The following LRPAP1 variants were observed in gnomAD, a reference collection of about 807,000 sequenced individuals.
LRPAP1 encodes alpha-2-macroglobulin receptor-associated protein.
In LRPAP1, 41 loss-of-function variants were observed where a neutral mutation model predicts 39.9. The observed-to-expected ratio is 1.03, with a 90% CI of 0.80 to 1.33. The LOEUF is 1.33. Among genes scored for constraint, LRPAP1 ranks in the 40% most tolerant of loss-of-function variants. The pLI, the probability that LRPAP1 is intolerant of heterozygous loss-of-function variation, is 0.00. For synonymous variants in LRPAP1, 263 were observed against 212.7 expected (o/e 1.24, Z -2.06); for missense variants, 565 against 482.3 (o/e 1.17, Z -1.61).
intron 2 of LRPAP1, among the ~76,000 whole-genome samples, chr4:3,522,785 G>C (rs1729959707): frequency 6.6e-6 from 1 of 152,140 alleles, no homozygotes; most frequent in African/African-American, 2.4e-5. Context: ...GCGCGGTGGG[G>C]GTGAGGACAG....
chr4:3,511,049 T>TA lies in LRPAP1; in HGVS notation c.*1924dup, dbSNP rs773670194. 6.6e-6 allele frequency: 1 copy of TA among 152,240 alleles called. No individual in the cohort carries two copies. The highest frequency in any genetic ancestry group is 2.4e-5 in the African/African-American group (1 of 41,414). 9.4% of individuals were successfully genotyped at this position (152,240 alleles called of 1,614,324 possible). ...ACAGTAAGACACGCTACTCCGCAAT[T>TA]AGACACCACAAAACGCCAGCCAGGC... On this transcript the variant is annotated 3_prime_UTR_variant, in exon 8 of 8. Coordinates refer to ENST00000650182, the MANE Select transcript of LRPAP1 (RefSeq NM_002337.4).
Position 3,513,737 on chromosome 4 carries a change from G to A in LRPAP1, c.1012-701C>T, listed in dbSNP as rs146174818. On this transcript the variant is annotated intron_variant, in intron 7 of 7. Coordinates refer to ENST00000650182, the MANE Select transcript of LRPAP1 (RefSeq NM_002337.4). ...GCTCCTCACATCACAACAGCCCAGAGCATCCCCACAGATACCACCCCAGTG... is the reference window on the plus strand; with the variant it reads ...GCTCCTCACATCACAACAGCCCAGAACATCCCCACAGATACCACCCCAGTG... Among the ~76,000 whole-genome samples the A allele has an allele frequency of 4.3e-3, 656 of 152,346 alleles. 8 individuals are homozygous for A. The highest frequency in any genetic ancestry group is 0.015 in the African/African-American group (634 of 41,582).
Position 3,508,707 on chromosome 4 carries a change from T to A in LRPAP1, c.*4267A>T, listed in dbSNP as rs1729424960. On this transcript the variant is annotated 3_prime_UTR_variant, in exon 8 of 8. Transcript: ENST00000650182. The stretch of plus-strand genomic sequence containing the variant: ...CGGTAAGGAAGTGACCTCATGAGCA[T>A]CTCACTAGGTGCAGGAAAGGCAGCT... 6.6e-6 allele frequency: 1 copy of A among 152,126 alleles called. No homozygotes were observed. 9.4% of individuals were successfully genotyped at this position (152,126 alleles called of 1,614,324 possible). A position where few individuals can be genotyped will look rare whatever the true frequency, so the allele number is the denominator to read the frequency against.
chr4:3,515,859 C>T, intron 6 of LRPAP1: 2 of 537,116 alleles, frequency 3.7e-6, no homozygotes. Context: ...GGACCCGCAC[C>T]AAGGCCACGC....
intron 7 of LRPAP1, among the ~76,000 whole-genome samples, chr4:3,514,410 G>A (rs539431437): frequency 6.1e-5 from 9 of 148,044 alleles, no homozygotes; most frequent in Non-Finnish European, 1.4e-4. Context: ...AAGGAGGCTC[G>A]CCTGTCTCAA....
chr4:3,528,672 G>A (rs1044290335), intron 1 of LRPAP1, among the ~76,000 whole-genome samples: 4 of 152,194 alleles, frequency 2.6e-5, no homozygotes, highest in East Asian at 1.9e-4. Flanking sequence ...AGGCTGTGGC[G>A]GTGACCAAGG....
At chr4:3,514,034 C>T (rs773191303) in intron 7 of LRPAP1, among the ~76,000 whole-genome samples, 4 of 152,230 alleles carry the variant, frequency 2.6e-5, no homozygotes, top group African/African-American at 9.6e-5. Context: ...TCCATCCCCG[C>T]GTCTCGCGGG....
chr4:3,523,924 G>A (rs1729999809), intron 2 of LRPAP1, among the ~76,000 whole-genome samples: 1 of 151,300 alleles, frequency 6.6e-6, no homozygotes, highest in African/African-American at 2.5e-5. Context: ...AAACGGAGGT[G>A]GGGGGCAGGG....
chr4:3,530,279 C>A (rs1344677520), intron 1 of LRPAP1, among the ~76,000 whole-genome samples: 1 of 152,148 alleles, frequency 6.6e-6, no homozygotes, highest in Non-Finnish European at 1.5e-5. Context: ...CGCCTGCACA[C>A]TTGGCTCCAG....
At position 3,505,486 on chromosome 4, in the gene LRPAP1, T is replaced by TGCCTGTGCCTGGCAGGG. The variant is rs1332759755; in HGVS notation, c.*7471_*7487dup. On this transcript the variant is annotated 3_prime_UTR_variant, in exon 8 of 8. Coordinates refer to ENST00000650182, the MANE Select transcript of LRPAP1 (RefSeq NM_002337.4). Reference sequence around the variant, plus strand: ...CGGCACTTCTTCCACACCGCGCAGCTGCCTGTGCCTGGCAGGGGCCTCCTG... The same window carrying TGCCTGTGCCTGGCAGGG: ...CGGCACTTCTTCCACACCGCGCAGCTGCCTGTGCCTGGCAGGGGCCTGTGCCTGGCAGGGGCCTCCTG... Among the ~76,000 whole-genome samples the TGCCTGTGCCTGGCAGGG allele has an allele frequency of 6.6e-6, 1 of 152,228 alleles. No individual in the cohort carries two copies. Among genetic ancestry groups the TGCCTGTGCCTGGCAGGG allele is most frequent in the Non-Finnish European group, 1.5e-5 (1 of 68,032 alleles).
intron 1 of LRPAP1, among the ~76,000 whole-genome samples, chr4:3,531,109 T>C (rs1010454683): frequency 6.6e-6 from 1 of 152,050 alleles, no homozygotes; most frequent in Non-Finnish European, 1.5e-5. Flanking sequence ...GAAGCCGCCC[T>C]GCCGCTCCAG....
rs539416757 is a variant in LRPAP1 at position 3,532,268 on chromosome 4, C to T, written c.145G>A (p.Glu49Lys). 2 of 1,555,648 alleles carry T rather than the reference C, an allele frequency of 1.3e-6. No individual in the cohort carries two copies. Among genetic ancestry groups the T allele is most frequent in the Admixed American group, 1.9e-5 (1 of 51,618 alleles). Residue 49 changes from glutamate to lysine, a missense_variant, in exon 1 of 8, where the codon GAG becomes AAG. Coordinates refer to ENST00000650182, the MANE Select transcript of LRPAP1 (RefSeq NM_002337.4). ...KNQPKPSPKR[E>K]SGEEFRMEKL... is the part of the protein sequence containing the mutation. The stretch of plus-strand genomic sequence containing the variant: ...TCCATGCGGAACTCCTCTCCGGACT[C>T]GCGTTTCGGGGACGGCTTGGGCTGG...
rs1264397225 is a variant in LRPAP1 at position 3,509,293 on chromosome 4, G to A, written c.*3681C>T. On this transcript the variant is annotated 3_prime_UTR_variant, in exon 8 of 8. Coordinates refer to ENST00000650182, the MANE Select transcript of LRPAP1 (RefSeq NM_002337.4). ...GGACACCGGAGACTGTTGAGACGCC[G>A]ACTGGAGTCACACACGGCAGTCAAC... is the stretch of plus-strand genomic sequence containing the variant. The A allele has an allele frequency of 1.3e-5, 1 of 79,832 alleles. No individual in the cohort carries two copies. Among genetic ancestry groups the A allele is most frequent in the Non-Finnish European group, 2.5e-5 (1 of 40,152 alleles). 4.9% of individuals were successfully genotyped at this position (79,832 alleles called of 1,614,324 possible).
rs1259105985 is a variant in LRPAP1 at position 3,522,629 on chromosome 4, C to T, written c.349+2278G>A. ...ACACCCCCTGCCTGGGGAGGACAGA[C>T]GCCGCCCCACACCCCCTGCCTGGGG... On this transcript the variant is annotated intron_variant, in intron 2 of 7. Coordinates refer to ENST00000650182, the MANE Select transcript of LRPAP1 (RefSeq NM_002337.4). 9.1e-5 allele frequency among the ~76,000 whole-genome samples: 12 copies of T among 131,670 alleles called. 1 individual carries two copies. In the South Asian group the frequency reaches 1.6e-3, roughly 17 times the overall value. The allele number at this position is 131,670 out of a possible 152,430, so 86.4% of individuals were successfully genotyped here. A position where few individuals can be genotyped will look rare whatever the true frequency, so the allele number is the denominator to read the frequency against.
At chr4:3,516,567 G>C (rs1231397028) in intron 5 of LRPAP1, among the ~76,000 whole-genome samples, 3 of 152,344 alleles carry the variant, frequency 2.0e-5, no homozygotes, top group East Asian at 3.9e-4. Context: ...GACCTCGGGT[G>C]GGGGCACCTG....
rs1729811770 is a variant in LRPAP1, at chr4:3,518,793, A to G, written c.592+78T>C. 6 of 964,494 alleles carry G rather than the reference A, an allele frequency of 6.2e-6. No homozygotes were observed. The South Asian group carries it at 8.2e-5, about 13-fold the overall frequency. 59.7% of individuals were successfully genotyped at this position (964,494 alleles called of 1,614,324 possible). ...GAGCTGAGGCTGCCCACTGAGCACA[A>G]CGAGCCTCAGGTGCAGGAGGGGTGG... On this transcript the variant is annotated intron_variant, in intron 4 of 7. Coordinates refer to ENST00000650182, the MANE Select transcript of LRPAP1 (RefSeq NM_002337.4).
At chr4:3,521,858 G>C (rs73197140) in intron 2 of LRPAP1, among the ~76,000 whole-genome samples, 1 of 152,224 alleles carries the variant, frequency 6.6e-6, no homozygotes, top group African/African-American at 2.4e-5. Flanking sequence ...ATTTTAGGCC[G>C]GGCGCGGTGG....
At chr4:3,517,223 G>T (rs1729740980) in intron 5 of LRPAP1, among the ~76,000 whole-genome samples, 1 of 152,260 alleles carries the variant, frequency 6.6e-6, no homozygotes, top group Non-Finnish European at 1.5e-5. Flanking sequence ...AGCCACCCAA[G>T]GGGACCTGGG....
At position 3,532,377 on chromosome 4, in the gene LRPAP1, C is replaced by G; in HGVS notation, c.36G>C (p.Gly12=). Residue 12 remains glycine (G), a synonymous_variant, in exon 1 of 8, where the codon GGG becomes GGC. Transcript: ENST00000650182. The part of the protein sequence containing the change: ...APRRVRSFLR[G]LPALLLLLLF... Reference sequence around the variant, plus strand: ...GCAGCAGCAGTAGCAGCGCCGGGAGCCCGCGCAGAAACGACCTGACCCTCC... The same window carrying G: ...GCAGCAGCAGTAGCAGCGCCGGGAGGCCGCGCAGAAACGACCTGACCCTCC... The G allele has an allele frequency of 6.3e-7, 1 of 1,591,942 alleles. No homozygotes were observed. The highest frequency in any genetic ancestry group is 1.3e-5 in the African/African-American group (1 of 74,738).
Sources: gnomAD v4.1 joint callset for allele counts (sites outside exome capture counted in the v4.1 genomes callset) on GRCh38, gnomAD v4.1.1 for gene constraint, MANE v1.5 for transcripts, NCBI Gene and HGNC (gene_info 2026-07-23, HGNC 2026-07-21) for gene names.